The following SYN3 variants were observed in gnomAD, a reference collection of about 807,000 sequenced individuals.
SYN3 encodes synapsin-3.
In SYN3, 35 loss-of-function variants were observed where a neutral mutation model predicts 65.8. That is an observed-to-expected ratio of 0.53 (90% CI 0.41 to 0.70). The LOEUF is 0.70. SYN3 is among the 30% of genes least tolerant of loss of function. The pLI, the probability that SYN3 is intolerant of heterozygous loss-of-function variation, is 0.00. For missense variants in SYN3, 680 were observed against 749.0 expected, an observed-to-expected ratio of 0.91 and a Z score of 1.08; for synonymous variants, 270 against 292.9, an observed-to-expected ratio of 0.92 and a Z score of 0.80.
At chr22:32,970,357 C>T (rs1263426906) in intron 3 of SYN3, among the ~76,000 whole-genome samples, 1 of 151,640 alleles carries the variant, frequency 6.6e-6, no homozygotes, top group African/African-American at 2.4e-5. Flanking sequence ...AGACATAGAG[C>T]TTAGCTGGGC....
intron 6 of SYN3, among the ~76,000 whole-genome samples, chr22:32,774,616 G>A (rs8139641): frequency 0.14 from 21,691 of 150,456 alleles, 1,611 homozygotes; most frequent in Middle Eastern, 0.2. Flanking sequence ...TTCTTTTCCC[G>A]ATATGGAGTT....
At chr22:32,728,112 T>C (rs2061221768) in intron 6 of SYN3, among the ~76,000 whole-genome samples, 1 of 152,282 alleles carries the variant, frequency 6.6e-6, no homozygotes, top group African/African-American at 2.4e-5. Context: ...AAGACTTAAA[T>C]GTAAAACCCA....
intron 6 of SYN3, among the ~76,000 whole-genome samples, chr22:32,609,271 C>T (rs559987010): frequency 2.6e-5 from 4 of 151,680 alleles, no homozygotes; most frequent in African/African-American, 7.3e-5. Flanking sequence ...TTTCGGTGAG[C>T]GGAGATGGAG....
chr22:32,609,476 G>GT (rs11303501), intron 6 of SYN3, among the ~76,000 whole-genome samples: 1,832 of 138,872 alleles, frequency 0.013, 34 homozygotes, highest in African/African-American at 0.042. Flanking sequence ...CCTGCCTGGT[G>GT]TTTTTTTTTT....
chr22:32,872,500 C>A (rs2048875484), intron 4 of SYN3, among the ~76,000 whole-genome samples: 1 of 152,126 alleles, frequency 6.6e-6, no homozygotes, highest in Admixed American at 6.5e-5. Flanking sequence ...AGGTGGCCAC[C>A]ATGACCTCTT....
chr22:32,888,874 T>C (rs1343556943), intron 4 of SYN3, among the ~76,000 whole-genome samples: 1 of 152,158 alleles, frequency 6.6e-6, no homozygotes, highest in African/African-American at 2.4e-5. Context: ...ACCCTTCTGG[T>C]CTCAAGCATT....
At chr22:32,786,142 T>C (rs949011422) in intron 6 of SYN3, among the ~76,000 whole-genome samples, 1 of 152,206 alleles carries the variant, frequency 6.6e-6, no homozygotes, top group Non-Finnish European at 1.5e-5. Flanking sequence ...TTAATTTTCA[T>C]ATTTGCCGTA....
intron 1 of SYN3, among the ~76,000 whole-genome samples, chr22:33,021,633 G>A (rs956035143): frequency 2.6e-5 from 4 of 152,038 alleles, no homozygotes; most frequent in Admixed American, 6.6e-5. Context: ...AGACACATGC[G>A]TGGCCCACCC....
At chr22:32,993,443 C>A (rs1004327144) in intron 2 of SYN3, among the ~76,000 whole-genome samples, 5 of 152,202 alleles carry the variant, frequency 3.3e-5, no homozygotes, top group Non-Finnish European at 7.3e-5. Flanking sequence ...GCAAACTCCA[C>A]CTCCTGGGTT....
intron 8 of SYN3, 123 bp downstream of exon 8, chr22:32,541,448 G>C: frequency 8.2e-7 from 1 of 1,221,436 alleles, no homozygotes; most frequent in Non-Finnish European, 1.2e-6. Context: ...CAGAGAAGAA[G>C]GGCAGTAAGG....
At chr22:33,051,467 G>A (rs112375153) in intron 1 of SYN3, among the ~76,000 whole-genome samples, 101 of 152,088 alleles carry the variant, frequency 6.6e-4, no homozygotes, top group Middle Eastern at 3.4e-3. Context: ...ACTCATTTCA[G>A]TTTACATCTT....
intron 6 of SYN3, among the ~76,000 whole-genome samples, chr22:32,779,963 C>G (rs1408834614): frequency 6.7e-6 from 1 of 149,294 alleles, no homozygotes; most frequent in Admixed American, 6.7e-5. Flanking sequence ...CATCTGCCTC[C>G]AGGCCTTGCC....
At chr22:33,030,884 CAG>C (rs2053742186) in intron 1 of SYN3, among the ~76,000 whole-genome samples, 2 of 151,774 alleles carry the variant, frequency 1.3e-5, no homozygotes, top group Admixed American at 1.3e-4. Context: ...CAAATAGACA[CAG>C]AGAGATAGAG....
chr22:32,670,717 T>G (rs2147060771), intron 6 of SYN3, among the ~76,000 whole-genome samples: 1 of 152,380 alleles, frequency 6.6e-6, no homozygotes, highest in Middle Eastern at 3.4e-3. Flanking sequence ...CCTAGAGACC[T>G]ATCAGTCATT....
intron 6 of SYN3, among the ~76,000 whole-genome samples, chr22:32,794,222 T>A (rs1447662903): frequency 3.3e-5 from 5 of 152,230 alleles, no homozygotes; most frequent in Non-Finnish European, 7.3e-5. Flanking sequence ...GTATTCTGAA[T>A]CTACACACAC....
At chr22:32,828,212 C>T (rs1297785601) in intron 6 of SYN3, among the ~76,000 whole-genome samples, 1 of 152,180 alleles carries the variant, frequency 6.6e-6, no homozygotes, top group African/African-American at 2.4e-5. Context: ...CCCTGGTTTC[C>T]CAGCTAGTGA....
intron 2 of SYN3, among the ~76,000 whole-genome samples, chr22:32,982,254 T>C (rs1409826749): frequency 1.3e-5 from 2 of 152,208 alleles, no homozygotes; most frequent in African/African-American, 4.8e-5. Flanking sequence ...TTATTATTGA[T>C]CTATCCAGTC....
intron 7 of SYN3, among the ~76,000 whole-genome samples, chr22:32,544,475 T>C (rs2058307666): frequency 1.3e-5 from 2 of 152,214 alleles, no homozygotes; most frequent in Admixed American, 6.5e-5. Flanking sequence ...ACCATTCTCC[T>C]GAGACTGATT....
intron 6 of SYN3, among the ~76,000 whole-genome samples, chr22:32,638,581 CAT>C (rs2059852380): frequency 6.6e-6 from 1 of 152,120 alleles, no homozygotes; most frequent in African/African-American, 2.4e-5. Context: ...AGCAGTTTTT[CAT>C]ATGTTTGTTG....
Sources: gnomAD v4.1 joint callset for allele counts (sites outside exome capture counted in the v4.1 genomes callset) on GRCh38, gnomAD v4.1.1 for gene constraint, MANE v1.5 for transcripts, NCBI Gene and HGNC (gene_info 2026-07-23, HGNC 2026-07-21) for gene names.